The following DIPK2A variants were observed in gnomAD, a reference collection of about 807,000 sequenced individuals.
DIPK2A encodes the protein divergent protein kinase domain 2A.
In DIPK2A, 27 loss-of-function variants were observed where a neutral mutation model predicts 39.0. The observed-to-expected ratio is 0.69, with a 90% confidence interval of 0.51 to 0.96. The LOEUF (loss-of-function observed/expected upper bound fraction) is 0.96, where lower values mean the gene tolerates loss of function less well. DIPK2A is among the 40% of genes least tolerant of loss of function. The pLI is 0.00. For missense variants in DIPK2A, 528 were observed against 571.3 expected (o/e 0.92, Z 0.77); for synonymous variants, 298 against 240.8 (o/e 1.24, Z -2.20).
At chr3:143,980,268 T>C (rs984549729) in intron 1 of DIPK2A, among the ~76,000 whole-genome samples, 1 of 99,402 alleles carries the variant, frequency 1.0e-5, no homozygotes, top group Non-Finnish European at 1.8e-5. Context: ...TTTTCTTTCT[T>C]ATGTGTCTGT....
chr3:143,986,706 C>CAA (rs1178327458), intron 2 of DIPK2A, among the ~76,000 whole-genome samples: 1 of 131,022 alleles, frequency 7.6e-6, no homozygotes, highest in Non-Finnish European at 1.5e-5. Flanking sequence ...GCCTGGGCAA[C>CAA]AGCGAGACTC....
chr3:143,985,893 C>G (rs7651751), intron 2 of DIPK2A, 47 bp downstream of exon 2: 2 of 1,445,276 alleles, frequency 1.4e-6, no homozygotes, highest in African/African-American at 1.4e-5. Context: ...TTTCCTATGT[C>G]AAAATAATGT....
chr3:143,982,136 G>A (rs1469375155), intron 1 of DIPK2A, among the ~76,000 whole-genome samples: 1 of 152,074 alleles, frequency 6.6e-6, no homozygotes, highest in Non-Finnish European at 1.5e-5. Flanking sequence ...TGCTCTCTAC[G>A]TTTCTTATAG....
At position 143,972,581 on chromosome 3, in the gene DIPK2A, G is replaced by C; in HGVS notation, c.249G>C (p.Leu83=). The C allele has an allele frequency of 6.2e-7, 1 of 1,612,134 alleles. No homozygotes were observed. Among genetic ancestry groups the C allele is most frequent in the East Asian group, 2.2e-5 (1 of 44,860 alleles). The change falls in exon 1 of 3, where the codon CTG becomes CTC. Residue 83 remains leucine, a synonymous_variant. Transcript: ENST00000315691. ...AGGCGTGGGGCCGCTTGCGCCTGCTGGACTTCCTCAACGTGAAGAACGTGT... is the reference window on the plus strand; with the variant it reads ...AGGCGTGGGGCCGCTTGCGCCTGCTCGACTTCCTCAACGTGAAGAACGTGT... The part of the protein sequence containing the change: ...VFEAWGRLRL[L]DFLNVKNVYF...
intron 1 of DIPK2A, among the ~76,000 whole-genome samples, chr3:143,975,253 A>G (rs1419203391): frequency 1.3e-5 from 2 of 152,126 alleles, no homozygotes; most frequent in Non-Finnish European, 2.9e-5. Context: ...CTGAGTACAT[A>G]CTGTGTAATA....
At chr3:143,977,522 A>T (rs2087748075) in intron 1 of DIPK2A, among the ~76,000 whole-genome samples, 2 of 152,062 alleles carry the variant, frequency 1.3e-5, no homozygotes, top group Non-Finnish European at 2.9e-5. Context: ...GTAGCCAAGG[A>T]TCTTGTGAGG....
At chr3:143,985,384 T>C (rs1337571201) in intron 1 of DIPK2A, among the ~76,000 whole-genome samples, 159 bp from the exon 2 acceptor site, 1 of 152,200 alleles carries the variant, frequency 6.6e-6, no homozygotes, top group Non-Finnish European at 1.5e-5. Flanking sequence ...AGTACTGGTA[T>C]GAGTTAGGAA....
rs2087680054 is a variant in DIPK2A, at chr3:143,972,998, G to T, written c.657+9G>T. 1 of 1,573,294 alleles carries T rather than the reference G, an allele frequency of 6.4e-7. No individual in the cohort carries two copies. The highest frequency in any genetic ancestry group is 8.6e-7 in the Non-Finnish European group (1 of 1,162,748). On this transcript the variant is annotated intron_variant, in intron 1 of 2. Coordinates refer to ENST00000315691, the MANE Select transcript of DIPK2A (RefSeq NM_173552.5). The stretch of plus-strand genomic sequence containing the variant: ...AGCCGCTGGTGCTACAGGTAGGCGC[G>T]GAGCCAGGGCAGGGGGCGTCCTGGG...
At chr3:143,986,376 C>T (rs1337370404) in intron 2 of DIPK2A, among the ~76,000 whole-genome samples, 1 of 152,166 alleles carries the variant, frequency 6.6e-6, no homozygotes. Context: ...ACTTTGCTCT[C>T]CATTTACTTT....
intron 1 of DIPK2A, among the ~76,000 whole-genome samples, chr3:143,977,967 T>C (rs925372203): frequency 2.0e-5 from 3 of 152,092 alleles, no homozygotes; most frequent in Non-Finnish European, 4.4e-5. Flanking sequence ...CTTTTGACCA[T>C]TTTGAATTTT....
intron 1 of DIPK2A, among the ~76,000 whole-genome samples, chr3:143,983,681 A>G (rs192640046): frequency 4.7e-4 from 72 of 152,368 alleles, no homozygotes; most frequent in Non-Finnish European, 8.5e-4. Flanking sequence ...TTCTAAAGCT[A>G]GCAGAAGACA....
Position 143,972,109 on chromosome 3 carries a change from C to T in DIPK2A, c.-224C>T. On this transcript the variant is annotated 5_prime_UTR_variant, in exon 1 of 3. Transcript: ENST00000315691. ...GGCGGGGAGCTAGGAGGAGGGAGCTCGAGAGTTGTGGAGACTAGTGACTGG... is the reference window on the plus strand; with the variant it reads ...GGCGGGGAGCTAGGAGGAGGGAGCTTGAGAGTTGTGGAGACTAGTGACTGG... The T allele has an allele frequency of 2.5e-6, 1 of 398,152 alleles. No homozygotes were observed. Among genetic ancestry groups the T allele is most frequent in the South Asian group, 1.3e-4 (1 of 7,800 alleles). 24.7% of individuals were successfully genotyped at this position (398,152 alleles called of 1,614,324 possible).
At chr3:143,978,647 T>TATATAG (rs2087776890) in intron 1 of DIPK2A, 1 of 42,766 alleles carries the variant, frequency 2.3e-5, no homozygotes. Context: ...TATCTATATA[T>TATATAG]ATATATATAT....
intron 1 of DIPK2A, chr3:143,973,773 T>A: frequency 1.7e-6 from 1 of 593,266 alleles, no homozygotes; most frequent in Non-Finnish European, 3.0e-6. Context: ...TTCTTGCCTT[T>A]CGCCAGTTGC....
intron 1 of DIPK2A, among the ~76,000 whole-genome samples, chr3:143,978,693 T>G (rs1264045303): frequency 4.6e-4 from 62 of 135,716 alleles, no homozygotes; most frequent in South Asian, 1.8e-3. Flanking sequence ...TATATATATA[T>G]ATATATATAC....
At position 143,990,833 on chromosome 3, in the gene DIPK2A, G is replaced by A. The variant is rs1478633460; in HGVS notation, c.*992G>A. 6.6e-6 allele frequency: 1 copy of A among 152,506 alleles called. No individual in the cohort carries two copies. Among genetic ancestry groups the A allele is most frequent in the Admixed American group, 6.5e-5 (1 of 15,276 alleles). 9.4% of individuals were successfully genotyped at this position (152,506 alleles called of 1,614,324 possible). ...ACCCTACTTCCAGTATTTTAGCTCT[G>A]TCATTATTAAATTCAGATCTTCCTG... is the stretch of plus-strand genomic sequence containing the variant. On this transcript the variant is annotated 3_prime_UTR_variant, in exon 3 of 3. Transcript: ENST00000315691.
chr3:143,971,975 T>A lies in DIPK2A; in HGVS notation c.-358T>A. 1 of 245,916 alleles carries A rather than the reference T, an allele frequency of 4.1e-6. No homozygotes were observed. Among genetic ancestry groups the A allele is most frequent in the Non-Finnish European group, 7.8e-6 (1 of 128,868 alleles). 15.2% of individuals were successfully genotyped at this position (245,916 alleles called of 1,614,324 possible). ...CGCAGCTCTTGTGCGAAGCCAGCAG[T>A]GCGCGTGCGCGCGGGCACGGGCGCG... On this transcript the variant is annotated 5_prime_UTR_variant, in exon 1 of 3. Coordinates refer to ENST00000315691, the MANE Select transcript of DIPK2A (RefSeq NM_173552.5).
chr3:143,972,911 G>A lies in DIPK2A; in HGVS notation c.579G>A (p.Leu193=), dbSNP rs1279147652. The stretch of plus-strand genomic sequence containing the variant: ...AGACCAAGGACTCGGGCAGCTTCCT[G>A]CTTCGCAACCTCAAGGACTCGGAGC... ...YAETKDSGSF[L]LRNLKDSERM... Residue 193 remains leucine, a synonymous_variant, in exon 1 of 3, where the codon CTG becomes CTA. Coordinates refer to ENST00000315691, the MANE Select transcript of DIPK2A (RefSeq NM_173552.5). The A allele has an allele frequency of 1.3e-6, 2 of 1,587,296 alleles. No individual in the cohort carries two copies. The highest frequency in any genetic ancestry group is 1.7e-6 in the Non-Finnish European group (2 of 1,169,010).
At position 143,989,880 on chromosome 3, in the gene DIPK2A, C is replaced by A; in HGVS notation, c.*39C>A. 1 of 1,497,388 alleles carries A rather than the reference C, an allele frequency of 6.7e-7. No homozygotes were observed. The highest frequency in any genetic ancestry group is 9.2e-7 in the Non-Finnish European group (1 of 1,091,292). 92.8% of individuals were successfully genotyped at this position (1,497,388 alleles called of 1,614,324 possible). On this transcript the variant is annotated 3_prime_UTR_variant, in exon 3 of 3. Transcript: ENST00000315691. ...TTTCTTTTTTTCTCCATTTAAACAGCACTGGCTAAAACTAAACCACCAAAA... is the reference window on the plus strand; with the variant it reads ...TTTCTTTTTTTCTCCATTTAAACAGAACTGGCTAAAACTAAACCACCAAAA...
Sources: allele counts gnomAD v4.1 joint callset (sites outside exome capture counted in the v4.1 genomes callset), GRCh38; gene constraint gnomAD v4.1.1; transcripts MANE v1.5; gene names NCBI Gene and HGNC (gene_info 2026-07-23, HGNC 2026-07-21).